TTC6: variants seen among roughly 807,000 people sequenced by gnomAD.
The protein encoded by TTC6 is tetratricopeptide repeat domain 6, also known as tetratricopeptide repeat protein 6.
TTC6 carries 172 observed loss-of-function variants against 210.4 expected under a neutral mutation model. The observed-to-expected ratio is 0.82, with a 90% CI of 0.72 to 0.93. TTC6 has a LOEUF of 0.93. Ranked by LOEUF, TTC6 falls within the 40% of genes least tolerant of loss-of-function variation. TTC6 has a pLI of 0.00. For missense variants in TTC6, 2,414 were observed against 2,318.1 expected (o/e 1.04, Z -0.85); for synonymous variants, 804 against 819.6 (o/e 0.98, Z 0.32).
chr14:37,785,237 TC>T (rs1274161456), intron 14 of TTC6, among the ~76,000 whole-genome samples: 1 of 152,194 alleles, frequency 6.6e-6, no homozygotes, highest in Non-Finnish European at 1.5e-5. Flanking sequence ...GGTTTCATTC[TC>T]CCCATCACTT....
intron 14 of TTC6, among the ~76,000 whole-genome samples, chr14:37,784,792 C>T (rs558980432): frequency 6.6e-6 from 1 of 152,174 alleles, no homozygotes; most frequent in Non-Finnish European, 1.5e-5. Flanking sequence ...GTGCTTCCTT[C>T]AGGAGCTCCT....
chr14:37,628,591 G>A (rs1409399617), intron 1 of TTC6, among the ~76,000 whole-genome samples: 1 of 152,054 alleles, frequency 6.6e-6, no homozygotes, highest in East Asian at 1.9e-4. Context: ...GTTTTGCTGT[G>A]CAGAAGCTTT....
chr14:37,687,789 T>C (rs1284908341), intron 3 of TTC6, among the ~76,000 whole-genome samples: 3 of 152,096 alleles, frequency 2.0e-5, no homozygotes, highest in African/African-American at 7.2e-5. Flanking sequence ...GGGCTCTGAA[T>C]AACTAGAAAG....
At chr14:37,669,263 C>T (rs1391252627) in intron 1 of TTC6, among the ~76,000 whole-genome samples, 2 of 152,140 alleles carry the variant, frequency 1.3e-5, no homozygotes, top group Non-Finnish European at 2.9e-5. Flanking sequence ...CATCACTACC[C>T]CTTGGAAGTG....
chr14:37,724,650 C>T (rs558340972), intron 6 of TTC6, among the ~76,000 whole-genome samples: 2 of 152,268 alleles, frequency 1.3e-5, no homozygotes, highest in African/African-American at 2.4e-5. Flanking sequence ...ACTTTCTACT[C>T]TACTAGATAT....
At chr14:37,682,923 C>A (rs1169204859) in exon 3 of TTC6, 1 of 1,535,508 alleles carries the variant, frequency 6.5e-7, no homozygotes, top group Admixed American at 2.0e-5. Flanking sequence ...AGATGGACAG[C>A]CCACAAGTGA....
chr14:37,826,317 T>C, exon 28 of TTC6: 1 of 1,609,612 alleles, frequency 6.2e-7, no homozygotes, highest in Non-Finnish European at 8.5e-7. Context: ...ATAATTTTGC[T>C]GCAATGCAGG....
intron 1 of TTC6, among the ~76,000 whole-genome samples, chr14:37,629,346 T>C (rs1217228622): frequency 6.6e-6 from 1 of 152,094 alleles, no homozygotes; most frequent in Admixed American, 6.6e-5. Context: ...GTATTCCTAG[T>C]TATTTTTTTT....
chr14:37,739,597 CA>C (rs1354672047), intron 10 of TTC6, among the ~76,000 whole-genome samples: 32 of 139,580 alleles, frequency 2.3e-4, no homozygotes, highest in African/African-American at 8.6e-4. Flanking sequence ...AAAAGAAAGA[CA>C]AACCCTCATT....
intron 1 of TTC6, among the ~76,000 whole-genome samples, chr14:37,642,399 C>A (rs1405375865): frequency 2.0e-5 from 3 of 152,154 alleles, no homozygotes; most frequent in Admixed American, 1.3e-4. Context: ...GTTATATGGT[C>A]ACTAACCAGT....
At chr14:37,766,059 G>C (rs1595222481) in intron 14 of TTC6, among the ~76,000 whole-genome samples, 1 of 152,180 alleles carries the variant, frequency 6.6e-6, no homozygotes, top group South Asian at 2.1e-4. Context: ...AGTTCATCCT[G>C]ATTGGAGTCC....
intron 14 of TTC6, among the ~76,000 whole-genome samples, chr14:37,762,182 A>G (rs1237065471): frequency 6.6e-6 from 1 of 152,056 alleles, no homozygotes; most frequent in African/African-American, 2.4e-5. Context: ...GCTGAATAGT[A>G]TTTAATTGTG....
rs1270953440 is a variant in TTC6 at position 37,795,366 on chromosome 14, A to T, written c.3791+14A>T. 6.7e-7 allele frequency: 1 copy of T among 1,486,338 alleles called. No homozygotes were observed. The highest frequency in any genetic ancestry group is 2.1e-5 in the Admixed American group (1 of 47,618). The allele number at this position is 1,486,338 out of a possible 1,614,324, so 92.1% of individuals were successfully genotyped here. On this transcript the variant is annotated intron_variant, in intron 18 of 30. Coordinates refer to ENST00000553443, the Ensembl canonical transcript of TTC6. The stretch of plus-strand genomic sequence containing the variant: ...ATACATAAGAAGGTATGAGCATAGA[A>T]ACTGAATTCTTCTTGGGATAACTTA...
intron 26 of TTC6, 51 bp from the exon 29 acceptor site, chr14:37,823,696 C>A: frequency 6.7e-7 from 1 of 1,492,610 alleles, no homozygotes; most frequent in Non-Finnish European, 9.3e-7. Flanking sequence ...GTATATGTCA[C>A]CAGAATGCAT....
intron 27 of TTC6, among the ~76,000 whole-genome samples, chr14:37,824,536 G>A (rs2096165820): frequency 6.6e-6 from 1 of 152,138 alleles, no homozygotes; most frequent in Admixed American, 6.5e-5. Flanking sequence ...AACGGAAACT[G>A]CTCTAGGCCT....
intron 17 of TTC6, among the ~76,000 whole-genome samples, chr14:37,794,480 G>A (rs2096087685): frequency 6.6e-6 from 1 of 151,086 alleles, no homozygotes; most frequent in South Asian, 2.1e-4. Flanking sequence ...TGCTCTTTTG[G>A]TAATATTTTC....
At chr14:37,660,784 C>T (rs1361058933) in intron 1 of TTC6, among the ~76,000 whole-genome samples, 1 of 152,188 alleles carries the variant, frequency 6.6e-6, no homozygotes, top group African/African-American at 2.4e-5. Context: ...AATGGTTGAA[C>T]TAATTTACAC....
At chr14:37,836,453 C>G (rs573811383) in intron 29 of TTC6, among the ~76,000 whole-genome samples, 2 of 152,208 alleles carry the variant, frequency 1.3e-5, no homozygotes, top group South Asian at 2.1e-4. Flanking sequence ...AGATCTTCAC[C>G]TTTTTCACTC....
At chr14:37,690,249 G>T (rs2138609345) in intron 3 of TTC6, among the ~76,000 whole-genome samples, 1 of 151,940 alleles carries the variant, frequency 6.6e-6, no homozygotes, top group South Asian at 2.1e-4. Flanking sequence ...TAAAAAGCAA[G>T]AAACTAGATC....
Sources: allele counts gnomAD v4.1 joint callset (sites outside exome capture counted in the v4.1 genomes callset), GRCh38; gene constraint gnomAD v4.1.1; transcripts MANE v1.5; gene names NCBI Gene and HGNC (gene_info 2026-07-23, HGNC 2026-07-21).